TRPM3: variants seen among roughly 807,000 people sequenced by gnomAD.
The protein encoded by TRPM3 is long transient receptor potential channel 3.
A neutral mutation model predicts 181.2 loss-of-function variants in TRPM3; 77 were observed. That is an observed-to-expected ratio of 0.42 (90% CI 0.35 to 0.51). TRPM3 has a LOEUF of 0.51. Among genes scored for constraint, TRPM3 ranks in the 20% least tolerant of loss-of-function variants. The pLI is 0.01. For missense variants in TRPM3, 1,759 were observed against 2,196.7 expected (o/e 0.80, Z 3.98); for synonymous variants, 745 against 796.4 (o/e 0.94, Z 1.09).
intron 1 of TRPM3, among the ~76,000 whole-genome samples, chr9:71,242,283 C>T (rs902355123): frequency 2.6e-5 from 4 of 152,130 alleles, no homozygotes; most frequent in African/African-American, 4.8e-5. Flanking sequence ...TGGCAGATGA[C>T]GGCATGATCT....
intron 1 of TRPM3, among the ~76,000 whole-genome samples, chr9:70,920,378 G>C (rs2096642661): frequency 6.6e-6 from 1 of 151,798 alleles, no homozygotes; most frequent in Non-Finnish European, 1.5e-5. Flanking sequence ...TTTTTGCTGT[G>C]GTAATGACAT....
chr9:71,211,968 C>T (rs2079531633), intron 1 of TRPM3, among the ~76,000 whole-genome samples: 1 of 152,132 alleles, frequency 6.6e-6, no homozygotes, highest in Admixed American at 6.6e-5. Context: ...ATTTGTAAAT[C>T]ATAGATCTTC....
intron 1 of TRPM3, among the ~76,000 whole-genome samples, chr9:70,992,350 G>A (rs1324947208): frequency 6.6e-6 from 1 of 152,168 alleles, no homozygotes; most frequent in Non-Finnish European, 1.5e-5. Flanking sequence ...GTGAAGCAGG[G>A]CTTCTACACT....
chr9:71,240,386 G>A (rs1391936324), intron 1 of TRPM3, among the ~76,000 whole-genome samples: 1 of 152,050 alleles, frequency 6.6e-6, no homozygotes, highest in African/African-American at 2.4e-5. Context: ...TTTTATCCCT[G>A]GTGTTCCATT....
At chr9:71,298,471 CTT>C (rs35085286) in intron 1 of TRPM3, among the ~76,000 whole-genome samples, 1,840 of 144,188 alleles carry the variant, frequency 0.013, 31 homozygotes, top group African/African-American at 0.044. Flanking sequence ...ATAATCTGGT[CTT>C]TTTTTTTTTT....
chr9:70,620,015 C>A, intron 16 of TRPM3, 61 bp downstream of exon 16: 2 of 1,530,142 alleles, frequency 1.3e-6, no homozygotes, highest in Non-Finnish European at 1.8e-6. Context: ...GACTCTCCAG[C>A]ACTGGGAGCC....
intron 8 of TRPM3, among the ~76,000 whole-genome samples, chr9:70,747,364 G>A (rs957368844): frequency 2.6e-5 from 4 of 152,130 alleles, no homozygotes; most frequent in African/African-American, 9.7e-5. Flanking sequence ...ACTAAAGAGA[G>A]TGCTCTAAGC....
At chr9:71,213,624 T>G (rs1051793168) in intron 1 of TRPM3, among the ~76,000 whole-genome samples, 1 of 152,222 alleles carries the variant, frequency 6.6e-6, no homozygotes, top group African/African-American at 2.4e-5. Flanking sequence ...AATACTATGT[T>G]TTGTTTTGTT....
intron 1 of TRPM3, among the ~76,000 whole-genome samples, chr9:71,120,736 G>T (rs2073451337): frequency 6.6e-6 from 1 of 152,156 alleles, no homozygotes; most frequent in African/African-American, 2.4e-5. Context: ...AGAATCCTTT[G>T]TTCTCTCTGG....
intron 22 of TRPM3, 100 bp downstream of exon 22, chr9:70,590,931 G>A: frequency 4.0e-6 from 6 of 1,511,568 alleles, no homozygotes; most frequent in South Asian, 1.1e-5. Context: ...CCTCTATCTT[G>A]AGCCATTTAT....
chr9:71,298,790 G>C (rs1167316673), intron 1 of TRPM3, among the ~76,000 whole-genome samples: 1 of 152,022 alleles, frequency 6.6e-6, no homozygotes, highest in African/African-American at 2.4e-5. Flanking sequence ...AGGCAAATGT[G>C]CTTTCACCTG....
At chr9:71,176,536 T>TA (rs1233288358) in intron 1 of TRPM3, among the ~76,000 whole-genome samples, 2 of 152,056 alleles carry the variant, frequency 1.3e-5, no homozygotes, top group African/African-American at 4.8e-5. Flanking sequence ...GTTTATAATG[T>TA]AAAGAAATTA....
intron 1 of TRPM3, among the ~76,000 whole-genome samples, chr9:71,388,700 G>C (rs1439427520): frequency 1.3e-5 from 2 of 152,008 alleles, no homozygotes; most frequent in African/African-American, 4.8e-5. Flanking sequence ...TACCACCCAA[G>C]GGAGACTTTA....
intron 1 of TRPM3, among the ~76,000 whole-genome samples, chr9:70,968,280 T>C (rs2133891205): frequency 6.6e-6 from 1 of 152,120 alleles, no homozygotes; most frequent in African/African-American, 2.4e-5. Flanking sequence ...ACTCAAGATA[T>C]GTCCCTACAA....
intron 1 of TRPM3, among the ~76,000 whole-genome samples, chr9:70,902,180 T>C (rs747240321): frequency 2.6e-5 from 4 of 152,246 alleles, no homozygotes; most frequent in African/African-American, 9.6e-5. Context: ...AAATTAACCA[T>C]CCTTGCAAGC....
intron 1 of TRPM3, among the ~76,000 whole-genome samples, chr9:70,977,034 G>A (rs1286355421): frequency 6.6e-6 from 1 of 152,220 alleles, no homozygotes; most frequent in Non-Finnish European, 1.5e-5. Context: ...TTTATGAAGG[G>A]TAAAAAATAT....
chr9:70,936,654 T>C (rs2096831339), intron 1 of TRPM3, among the ~76,000 whole-genome samples: 1 of 152,202 alleles, frequency 6.6e-6, no homozygotes, highest in African/African-American at 2.4e-5. Context: ...ATCTCTCACA[T>C]GCTCCAGGGG....
chr9:70,658,604 T>C (rs751464635), intron 9 of TRPM3, among the ~76,000 whole-genome samples: 1 of 152,152 alleles, frequency 6.6e-6, no homozygotes, highest in Non-Finnish European at 1.5e-5. Context: ...AATTTTTGTA[T>C]ACTACAGAGG....
At chr9:71,367,673 AG>A (rs1457184419) in intron 1 of TRPM3, among the ~76,000 whole-genome samples, 1 of 152,132 alleles carries the variant, frequency 6.6e-6, no homozygotes, top group Non-Finnish European at 1.5e-5. Context: ...ATCAAATAAG[AG>A]GATGGTTATT....
Sources: gnomAD v4.1 joint callset for allele counts (sites outside exome capture counted in the v4.1 genomes callset) on GRCh38, gnomAD v4.1.1 for gene constraint, MANE v1.5 for transcripts, NCBI Gene and HGNC (gene_info 2026-07-23, HGNC 2026-07-21) for gene names.